Variants in PTPRM observed in about 807,000 individuals in gnomAD.
PTPRM encodes the protein protein tyrosine phosphatase receptor type M, also known as receptor-type tyrosine-protein phosphatase mu.
In PTPRM, 47 loss-of-function variants were observed where a neutral mutation model predicts 186.7. That is an observed-to-expected ratio of 0.25 (90% CI 0.20 to 0.32). The LOEUF is 0.32. Ranked by LOEUF, PTPRM falls within the 10% of genes least tolerant of loss-of-function variation. PTPRM has a pLI of 1.00. For synonymous variants in PTPRM, 668 were observed against 674.9 expected (o/e 0.99, Z 0.16); for missense variants, 1,494 against 1,865.0 (o/e 0.80, Z 3.66).
intron 2 of PTPRM, among the ~76,000 whole-genome samples, chr18:7,854,325 G>T (rs2046994026): frequency 6.6e-6 from 1 of 151,872 alleles, no homozygotes; most frequent in Admixed American, 6.6e-5. Flanking sequence ...ACCTCTCTTA[G>T]CTAAAGCAGA....
chr18:8,107,488 A>C (rs2091574432), intron 11 of PTPRM, among the ~76,000 whole-genome samples: 1 of 152,204 alleles, frequency 6.6e-6, no homozygotes, highest in South Asian at 2.1e-4. Context: ...ATTTTATTAT[A>C]TCAGATTTTA....
intron 1 of PTPRM, among the ~76,000 whole-genome samples, chr18:7,721,040 C>T (rs576793018): frequency 6.6e-6 from 1 of 151,990 alleles, no homozygotes; most frequent in Non-Finnish European, 1.5e-5. Context: ...TTTTGAGGGA[C>T]TTCCATACTC....
At chr18:7,829,705 T>C (rs2045663636) in intron 2 of PTPRM, among the ~76,000 whole-genome samples, 1 of 152,186 alleles carries the variant, frequency 6.6e-6, no homozygotes, top group African/African-American at 2.4e-5. Context: ...CATTTGGCCA[T>C]ATAAAAACTT....
At chr18:7,580,738 C>G (rs994663915) in intron 1 of PTPRM, among the ~76,000 whole-genome samples, 2 of 152,280 alleles carry the variant, frequency 1.3e-5, no homozygotes, top group African/African-American at 4.8e-5. Context: ...ACTCCCAACC[C>G]AACCATGTCA....
chr18:7,965,493 T>A (rs922257251), intron 7 of PTPRM, among the ~76,000 whole-genome samples: 2 of 151,638 alleles, frequency 1.3e-5, no homozygotes, highest in Non-Finnish European at 2.9e-5. Context: ...CCTTATTGAG[T>A]GAGATTGGAT....
chr18:7,976,360 TATG>T (rs1216374429), intron 7 of PTPRM, among the ~76,000 whole-genome samples: 1 of 152,180 alleles, frequency 6.6e-6, no homozygotes, highest in African/African-American at 2.4e-5. Flanking sequence ...AATTATTCTG[TATG>T]ATACTATAGT....
intron 24 of PTPRM, 76 bp from the exon 25 acceptor site, chr18:8,375,970 C>A: frequency 6.8e-7 from 1 of 1,474,962 alleles, no homozygotes; most frequent in Non-Finnish European, 9.3e-7. Flanking sequence ...TGTTTCCACT[C>A]CCCCAGCTAT....
At chr18:8,044,722 A>G (rs946329501) in intron 7 of PTPRM, among the ~76,000 whole-genome samples, 2 of 144,650 alleles carry the variant, frequency 1.4e-5, no homozygotes, top group African/African-American at 5.2e-5. Flanking sequence ...ATGCCACTGT[A>G]CTCCAGCCTG....
intron 1 of PTPRM, among the ~76,000 whole-genome samples, chr18:7,660,907 G>A (rs547569371): frequency 1.3e-5 from 2 of 151,944 alleles, no homozygotes; most frequent in Non-Finnish European, 2.9e-5. Flanking sequence ...GGAGATGGAG[G>A]TTGCAGTGAT....
chr18:7,885,734 G>C (rs1362489176), intron 2 of PTPRM, among the ~76,000 whole-genome samples: 3 of 152,116 alleles, frequency 2.0e-5, no homozygotes, highest in Admixed American at 2.0e-4. Flanking sequence ...ATTTCACCTG[G>C]ATCTCAACAT....
chr18:8,042,028 G>T (rs1172666185), intron 7 of PTPRM, among the ~76,000 whole-genome samples: 6 of 152,198 alleles, frequency 3.9e-5, no homozygotes, highest in Admixed American at 3.9e-4. Flanking sequence ...GAATAGCTAG[G>T]TATGTCATCT....
At chr18:7,859,399 G>A (rs2047242207) in intron 2 of PTPRM, among the ~76,000 whole-genome samples, 1 of 152,182 alleles carries the variant, frequency 6.6e-6, no homozygotes. Flanking sequence ...GCTGGTGGCA[G>A]CCAGGTAGTC....
chr18:8,163,918 C>T (rs560915330), intron 14 of PTPRM, among the ~76,000 whole-genome samples: 39 of 152,320 alleles, frequency 2.6e-4, no homozygotes, highest in African/African-American at 8.7e-4. Flanking sequence ...TTAGTTAAAT[C>T]GAGGACACTA....
At chr18:8,136,618 T>C (rs2092645518) in intron 13 of PTPRM, among the ~76,000 whole-genome samples, 1 of 152,118 alleles carries the variant, frequency 6.6e-6, no homozygotes, top group Non-Finnish European at 1.5e-5. Flanking sequence ...AGAAGAAGAG[T>C]TATAAATTCA....
intron 20 of PTPRM, among the ~76,000 whole-genome samples, chr18:8,305,393 T>TC (rs2095210735): frequency 6.6e-6 from 1 of 151,788 alleles, no homozygotes; most frequent in Non-Finnish European, 1.5e-5. Context: ...TAGCTAACTT[T>TC]CCCTTACTTC....
intron 22 of PTPRM, among the ~76,000 whole-genome samples, chr18:8,337,026 G>A (rs770412404): frequency 1.3e-5 from 2 of 151,962 alleles, no homozygotes; most frequent in Non-Finnish European, 2.9e-5. Context: ...GAGAAAAGAA[G>A]TGGAAAGAAA....
intron 14 of PTPRM, among the ~76,000 whole-genome samples, chr18:8,160,083 G>T (rs748536738): frequency 2.6e-5 from 4 of 151,874 alleles, no homozygotes; most frequent in Non-Finnish European, 5.9e-5. Context: ...AGAAAAATGG[G>T]CTCATCACTA....
At chr18:7,907,754 G>A (rs1372061) in intron 4 of PTPRM, among the ~76,000 whole-genome samples, 36,741 of 150,442 alleles carry the variant, frequency 0.24, 4,700 homozygotes, top group East Asian at 0.44. Context: ...CACCGCAAAT[G>A]TGTGTGTGTG....
Position 7,780,275 on chromosome 18 carries a change from A to G in PTPRM, c.196+6004A>G, listed in dbSNP as rs567307113. ...TGGTAGATTGGGTGGCATTATCCTC[A>G]TTTTACAACATAGGAAACTGAAGTT... On this transcript the variant is annotated intron_variant, in intron 2 of 32. Transcript: ENST00000580170. Among the ~76,000 whole-genome samples, 42 of 152,266 alleles carry G rather than the reference A, an allele frequency of 2.8e-4. 1 individual carries two copies. In the Middle Eastern group the frequency reaches 0.014, roughly 49 times the overall value.
Sources: gnomAD v4.1 joint callset for allele counts (sites outside exome capture counted in the v4.1 genomes callset) on GRCh38, gnomAD v4.1.1 for gene constraint, MANE v1.5 for transcripts, NCBI Gene and HGNC (gene_info 2026-07-23, HGNC 2026-07-21) for gene names.